Variants in LRRTM3 observed in about 807,000 individuals in gnomAD.
LRRTM3 encodes leucine-rich repeat transmembrane neuronal protein 3.
Under a neutral mutation model 44.7 loss-of-function variants are expected in LRRTM3, and 24 were observed. The observed-to-expected ratio is 0.54, with a 90% CI of 0.39 to 0.76. LRRTM3 has a LOEUF of 0.76. LRRTM3 is among the 30% of genes least tolerant of loss of function. The pLI is 0.00. For missense variants in LRRTM3, 587 were observed against 702.2 expected (o/e 0.84, Z 1.85); for synonymous variants, 277 against 278.7 (o/e 0.99, Z 0.06).
At chr10:66,974,032 C>T (rs1022540395) in intron 2 of LRRTM3, among the ~76,000 whole-genome samples, 1 of 152,128 alleles carries the variant, frequency 6.6e-6, no homozygotes, top group Non-Finnish European at 1.5e-5. Context: ...AACCACCACA[C>T]AAATCAAGAT....
At chr10:67,051,456 CTTTTTTCTTTTTTT>C in intron 2 of LRRTM3, among the ~76,000 whole-genome samples, 1 of 101,220 alleles carries the variant, frequency 9.9e-6, no homozygotes, top group Middle Eastern at 8.3e-3. Flanking sequence ...TTTCTTTTTT[CTTTTTTCTTTTTTT>C]TTTTTTGGTG....
chr10:66,926,654 A>C (rs1847091535), intron 1 of LRRTM3, 67 bp downstream of exon 1: 1 of 1,550,692 alleles, frequency 6.4e-7, no homozygotes, highest in Non-Finnish European at 8.9e-7. Flanking sequence ...AGTGTGTGTA[A>C]TAATTCTGCC....
intron 2 of LRRTM3, among the ~76,000 whole-genome samples, chr10:67,064,417 A>C (rs1478396692): frequency 6.6e-6 from 1 of 152,146 alleles, no homozygotes; most frequent in Non-Finnish European, 1.5e-5. Context: ...AATCTATAGA[A>C]TTTTCATAAA....
intron 2 of LRRTM3, among the ~76,000 whole-genome samples, chr10:66,948,078 G>A (rs1848364715): frequency 6.6e-6 from 1 of 152,148 alleles, no homozygotes; most frequent in African/African-American, 2.4e-5. Flanking sequence ...AGAAAAGGTA[G>A]GATAAAAACA....
chr10:67,032,782 A>T (rs1853813577), intron 2 of LRRTM3, among the ~76,000 whole-genome samples: 1 of 151,996 alleles, frequency 6.6e-6, no homozygotes. Context: ...TCCTTTTTTT[A>T]TGTGTTCTCA....
At chr10:66,959,326 A>G (rs753821438) in intron 2 of LRRTM3, among the ~76,000 whole-genome samples, 4 of 152,218 alleles carry the variant, frequency 2.6e-5, no homozygotes, top group Non-Finnish European at 4.4e-5. Context: ...TCTTTGAGCT[A>G]GAAACCAAGA....
At chr10:67,071,647 G>T (rs971956614) in intron 2 of LRRTM3, among the ~76,000 whole-genome samples, 1 of 151,578 alleles carries the variant, frequency 6.6e-6, no homozygotes, top group Non-Finnish European at 1.5e-5. Context: ...TGTGTGTGGC[G>T]GTCTTTCCAA....
chr10:67,068,409 T>C (rs2131839340), intron 2 of LRRTM3, among the ~76,000 whole-genome samples: 2 of 152,320 alleles, frequency 1.3e-5, no homozygotes, highest in South Asian at 2.1e-4. Flanking sequence ...ATTCGATGGA[T>C]CTGTCTGTTA....
intron 2 of LRRTM3, among the ~76,000 whole-genome samples, chr10:66,943,287 ATTAG>A (rs1848110891): frequency 6.6e-6 from 1 of 151,938 alleles, no homozygotes; most frequent in Non-Finnish European, 1.5e-5. Context: ...GTGTGGATTC[ATTAG>A]TTAATTAGTT....
chr10:67,040,292 C>T (rs973892786), intron 2 of LRRTM3, among the ~76,000 whole-genome samples: 9 of 152,028 alleles, frequency 5.9e-5, no homozygotes, highest in Non-Finnish European at 1.0e-4. Context: ...TGTGAAAGTC[C>T]TCAGGCATTT....
chr10:67,097,393 G>C (rs929415051), intron 2 of LRRTM3, among the ~76,000 whole-genome samples, 194 bp from the exon 3 acceptor site: 1 of 151,788 alleles, frequency 6.6e-6, no homozygotes, highest in African/African-American at 2.4e-5. Context: ...TTTCATCCCA[G>C]GATTTAAAAC....
At chr10:67,027,817 G>A (rs1047452861) in intron 2 of LRRTM3, among the ~76,000 whole-genome samples, 8 of 151,928 alleles carry the variant, frequency 5.3e-5, no homozygotes, top group Non-Finnish European at 8.8e-5. Context: ...GAGTATATTC[G>A]TTTTTTCCTT....
intron 2 of LRRTM3, among the ~76,000 whole-genome samples, chr10:66,985,859 C>G (rs570394742): frequency 1.3e-5 from 2 of 152,150 alleles, no homozygotes; most frequent in South Asian, 4.1e-4. Flanking sequence ...TCCCAAGTAA[C>G]TGGGATTACA....
chr10:66,933,152 T>C (rs1847503475), intron 2 of LRRTM3, among the ~76,000 whole-genome samples: 1 of 152,214 alleles, frequency 6.6e-6, no homozygotes, highest in Non-Finnish European at 1.5e-5. Context: ...ATGTTTGGCA[T>C]GAGCCAAAAA....
At chr10:67,092,832 T>C (rs958196262) in intron 2 of LRRTM3, among the ~76,000 whole-genome samples, 4 of 152,006 alleles carry the variant, frequency 2.6e-5, no homozygotes, top group African/African-American at 7.2e-5. Context: ...AGGGCAAATA[T>C]CATTGATGTC....
chr10:67,003,059 AACAAAC>A lies in LRRTM3; in HGVS notation c.1536+74609_1536+74614del, dbSNP rs201340986. Reference sequence around the variant, plus strand: ...GCCATGGTTATGTTCATAGGCCACTAACAAACATATGCAGTCTTTTAGCTACAACAC... The same window carrying A: ...GCCATGGTTATGTTCATAGGCCACTAATATGCAGTCTTTTAGCTACAACAC... On this transcript the variant is annotated intron_variant, in intron 2 of 2. Coordinates refer to ENST00000361320, the MANE Select transcript of LRRTM3 (RefSeq NM_178011.5). Among the ~76,000 whole-genome samples the A allele has an allele frequency of 2.8e-3, 422 of 152,248 alleles. 2 individuals carry two copies. Among genetic ancestry groups the A allele is most frequent in the African/African-American group, 9.3e-3 (387 of 41,556 alleles).
chr10:67,057,716 A>G (rs1855523165), intron 2 of LRRTM3, among the ~76,000 whole-genome samples: 1 of 151,944 alleles, frequency 6.6e-6, no homozygotes, highest in Non-Finnish European at 1.5e-5. Flanking sequence ...CCTGATCACC[A>G]TTTTACCACC....
At chr10:66,937,638 A>G (rs1847782303) in intron 2 of LRRTM3, among the ~76,000 whole-genome samples, 1 of 152,086 alleles carries the variant, frequency 6.6e-6, no homozygotes, top group South Asian at 2.1e-4. Context: ...CATAAAACCA[A>G]TGTCCTCAGC....
chr10:66,936,336 A>C (rs1847693903), intron 2 of LRRTM3, among the ~76,000 whole-genome samples: 1 of 152,130 alleles, frequency 6.6e-6, no homozygotes, highest in South Asian at 2.1e-4. Context: ...AAAATCCCAA[A>C]TGATGGAGAT....
Sources: allele counts gnomAD v4.1 joint callset (sites outside exome capture counted in the v4.1 genomes callset), GRCh38; gene constraint gnomAD v4.1.1; transcripts MANE v1.5; gene names NCBI Gene and HGNC (gene_info 2026-07-23, HGNC 2026-07-21).